The following PRKG1 variants were observed in gnomAD, a reference collection of about 807,000 sequenced individuals.
The protein encoded by PRKG1 is protein kinase cGMP-dependent 1, also known as cGMP-dependent protein kinase 1.
In PRKG1, 35 loss-of-function variants were observed where a neutral mutation model predicts 88.1. The ratio of observed to expected loss-of-function variants is 0.40; its 90% confidence interval spans 0.30 to 0.53. The LOEUF is 0.53. Among genes scored for constraint, PRKG1 ranks in the 20% least tolerant of loss-of-function variants. The pLI is 0.59. For missense variants in PRKG1, 540 were observed against 839.8 expected, an observed-to-expected ratio of 0.64 and a Z score of 4.41; for synonymous variants, 303 against 292.5, an observed-to-expected ratio of 1.04 and a Z score of -0.37.
At chr10:51,836,990 A>G (rs909775912) in intron 4 of PRKG1, among the ~76,000 whole-genome samples, 2 of 152,176 alleles carry the variant, frequency 1.3e-5, no homozygotes, top group African/African-American at 4.8e-5. Flanking sequence ...CCCTGCATTC[A>G]TTGAGTATAC....
At chr10:51,982,113 A>G (rs1289728849) in intron 5 of PRKG1, among the ~76,000 whole-genome samples, 1 of 152,090 alleles carries the variant, frequency 6.6e-6, no homozygotes, top group Non-Finnish European at 1.5e-5. Flanking sequence ...TGCTATTAAT[A>G]CTTGTGATTG....
intron 4 of PRKG1, among the ~76,000 whole-genome samples, chr10:51,902,494 T>C (rs1842001502): frequency 6.6e-6 from 1 of 152,214 alleles, no homozygotes; most frequent in African/African-American, 2.4e-5. Flanking sequence ...TTAAATGTTA[T>C]AAATGTTTTA....
intron 6 of PRKG1, among the ~76,000 whole-genome samples, chr10:52,060,065 T>C (rs941030202): frequency 6.6e-6 from 1 of 151,660 alleles, no homozygotes; most frequent in Non-Finnish European, 1.5e-5. Context: ...TGGAAAAAAA[T>C]GTGGACTTAA....
chr10:51,510,744 ATTTTTTT>A (rs71459420), intron 3 of PRKG1, among the ~76,000 whole-genome samples: 1 of 134,196 alleles, frequency 7.5e-6, no homozygotes, highest in African/African-American at 2.7e-5. Context: ...GCATTGTACT[ATTTTTTT>A]TTTTTTTTTT....
intron 9 of PRKG1, among the ~76,000 whole-genome samples, chr10:52,189,065 A>G (rs1024375237): frequency 5.9e-5 from 9 of 152,196 alleles, no homozygotes; most frequent in African/African-American, 2.2e-4. Context: ...TTATTTGAGC[A>G]ATAGAAGGGG....
chr10:51,628,685 C>T (rs1050079097), intron 3 of PRKG1, among the ~76,000 whole-genome samples: 10 of 152,040 alleles, frequency 6.6e-5, no homozygotes, highest in Non-Finnish European at 7.4e-5. Flanking sequence ...GTTGGCCGGG[C>T]GCGGTGGCTC....
intron 9 of PRKG1, among the ~76,000 whole-genome samples, chr10:52,195,812 A>G (rs1275630401): frequency 1.3e-5 from 2 of 152,118 alleles, no homozygotes; most frequent in African/African-American, 2.4e-5. Flanking sequence ...TAATTATCCT[A>G]ATGGAATCAT....
At chr10:52,199,731 C>T (rs1331484657) in intron 9 of PRKG1, among the ~76,000 whole-genome samples, 1 of 152,092 alleles carries the variant, frequency 6.6e-6, no homozygotes, top group African/African-American at 2.4e-5. Flanking sequence ...TCCAAATAAA[C>T]GTACCTCACA....
At chr10:52,188,738 G>C (rs1839286405) in intron 9 of PRKG1, among the ~76,000 whole-genome samples, 1 of 152,230 alleles carries the variant, frequency 6.6e-6, no homozygotes, top group Admixed American at 6.5e-5. Flanking sequence ...CCTTAAAAAT[G>C]TGTGCAGTTG....
At chr10:52,221,713 G>T (rs1840250636) in intron 9 of PRKG1, among the ~76,000 whole-genome samples, 1 of 152,150 alleles carries the variant, frequency 6.6e-6, no homozygotes, top group Middle Eastern at 3.2e-3. Flanking sequence ...ACACAAACAA[G>T]ATGATAAGTT....
At chr10:51,390,762 A>G (rs1837374036) in intron 2 of PRKG1, among the ~76,000 whole-genome samples, 1 of 152,194 alleles carries the variant, frequency 6.6e-6, no homozygotes, top group Non-Finnish European at 1.5e-5. Context: ...GGCAGTAAGC[A>G]TTGATTATTA....
At chr10:51,706,377 C>T (rs1432540096) in intron 3 of PRKG1, among the ~76,000 whole-genome samples, 2 of 152,184 alleles carry the variant, frequency 1.3e-5, no homozygotes, top group Non-Finnish European at 2.9e-5. Flanking sequence ...ATTTCATTTA[C>T]TTATACACAG....
chr10:51,815,413 A>G lies in PRKG1; in HGVS notation c.698+10723A>G, dbSNP rs12254174. The stretch of plus-strand genomic sequence containing the variant: ...CCATGAGTTACTGGGAAAAATTAAG[A>G]AGGGTGGTCTTCTGGGATCCCAGCA... On this transcript the variant is annotated intron_variant, in intron 4 of 17. Coordinates refer to ENST00000373980, the MANE Select transcript of PRKG1 (RefSeq NM_006258.4). Among the ~76,000 whole-genome samples, 836 of 152,300 alleles carry G rather than the reference A, an allele frequency of 5.5e-3. 10 individuals are homozygous for G. The highest frequency in any genetic ancestry group is 0.019 in the African/African-American group (784 of 41,574).
At chr10:50,997,339 C>G (rs1393507710) in intron 1 of PRKG1, among the ~76,000 whole-genome samples, 1 of 152,054 alleles carries the variant, frequency 6.6e-6, no homozygotes, top group Non-Finnish European at 1.5e-5. Flanking sequence ...GTTCTTGTTC[C>G]ATTTGAATTA....
At chr10:51,078,352 G>C (rs1005117265) in intron 1 of PRKG1, among the ~76,000 whole-genome samples, 4 of 150,172 alleles carry the variant, frequency 2.7e-5, no homozygotes, top group Non-Finnish European at 5.9e-5. Flanking sequence ...CTGAGTGGCT[G>C]GGATTACAGG....
At chr10:51,427,711 A>T (rs779276714) in intron 2 of PRKG1, among the ~76,000 whole-genome samples, 25 of 152,198 alleles carry the variant, frequency 1.6e-4, no homozygotes, top group Admixed American at 9.8e-4. Flanking sequence ...CAGCAGCATT[A>T]GTATTACCTA....
chr10:51,396,827 G>T (rs1199527397), intron 2 of PRKG1, among the ~76,000 whole-genome samples: 1 of 152,230 alleles, frequency 6.6e-6, no homozygotes, highest in Non-Finnish European at 1.5e-5. Flanking sequence ...AGGGTATGTA[G>T]TAGGGCGGGT....
intron 3 of PRKG1, among the ~76,000 whole-genome samples, chr10:51,801,715 G>T (rs775390202): frequency 6.6e-6 from 1 of 152,044 alleles, no homozygotes; most frequent in African/African-American, 2.4e-5. Flanking sequence ...CAATTTTATG[G>T]CTCCTTCCTC....
intron 5 of PRKG1, among the ~76,000 whole-genome samples, chr10:52,043,494 T>A (rs879578294): frequency 6.6e-6 from 1 of 152,046 alleles, no homozygotes; most frequent in Non-Finnish European, 1.5e-5. Flanking sequence ...CTCACTTATA[T>A]GTGAAATGTA....
Sources: allele counts gnomAD v4.1 joint callset (sites outside exome capture counted in the v4.1 genomes callset), GRCh38; gene constraint gnomAD v4.1.1; transcripts MANE v1.5; gene names NCBI Gene and HGNC (gene_info 2026-07-23, HGNC 2026-07-21).